Variants in PPP2R2B observed in about 807,000 individuals in gnomAD.
The protein encoded by PPP2R2B is protein phosphatase 2 regulatory subunit Bbeta.
Under a neutral mutation model 46.0 loss-of-function variants are expected in PPP2R2B, and 5 were observed. The observed-to-expected ratio is 0.11, with a 90% CI of 0.06 to 0.23. The LOEUF is 0.23. PPP2R2B is among the 10% of genes least tolerant of loss of function. The pLI is 1.00. For synonymous variants in PPP2R2B, 215 were observed against 206.7 expected (o/e 1.04, Z -0.34); for missense variants, 367 against 575.0 (o/e 0.64, Z 3.70).
At chr5:146,990,436 G>A (rs1474608001) in intron 1 of PPP2R2B, among the ~76,000 whole-genome samples, 1 of 151,990 alleles carries the variant, frequency 6.6e-6, no homozygotes, top group Non-Finnish European at 1.5e-5. Flanking sequence ...TTAACCAACT[G>A]TTTTTTGCCA....
chr5:146,832,526 A>G (rs1341654494), intron 2 of PPP2R2B, among the ~76,000 whole-genome samples: 1 of 150,564 alleles, frequency 6.6e-6, no homozygotes. Context: ...CAAGTAGCTG[A>G]GATTACAGGT....
chr5:146,828,716 T>C (rs961410436), intron 2 of PPP2R2B, among the ~76,000 whole-genome samples: 14 of 152,224 alleles, frequency 9.2e-5, no homozygotes, highest in African/African-American at 3.4e-4. Flanking sequence ...AATCCTGTTT[T>C]ATTGCAAGCC....
At chr5:146,764,577 C>G (rs1347702184) in intron 2 of PPP2R2B, among the ~76,000 whole-genome samples, 1 of 152,112 alleles carries the variant, frequency 6.6e-6, no homozygotes, top group Non-Finnish European at 1.5e-5. Flanking sequence ...TCCCCAGAGT[C>G]CTTATCCCTT....
chr5:146,849,582 ACGGATTT>A (rs1387077632), intron 2 of PPP2R2B, among the ~76,000 whole-genome samples: 1 of 152,212 alleles, frequency 6.6e-6, no homozygotes, highest in Non-Finnish European at 1.5e-5. Flanking sequence ...GTTACAAAAT[ACGGATTT>A]CAAAGACTAA....
At chr5:146,980,459 T>C (rs1753117567) in intron 1 of PPP2R2B, among the ~76,000 whole-genome samples, 2 of 152,064 alleles carry the variant, frequency 1.3e-5, no homozygotes, top group South Asian at 4.2e-4. Context: ...ATCTGATCAC[T>C]GACAACCCAC....
chr5:146,788,664 GA>G (rs1472527173), intron 2 of PPP2R2B, among the ~76,000 whole-genome samples: 2 of 152,202 alleles, frequency 1.3e-5, no homozygotes, highest in African/African-American at 4.8e-5. Flanking sequence ...CCAGGAGGCA[GA>G]TGTTGCAGTG....
At chr5:146,698,688 C>T (rs886855276) in intron 3 of PPP2R2B, among the ~76,000 whole-genome samples, 1 of 151,794 alleles carries the variant, frequency 6.6e-6, no homozygotes, top group Non-Finnish European at 1.5e-5. Flanking sequence ...TATTAAATGA[C>T]TTTCCCTAGG....
intron 2 of PPP2R2B, among the ~76,000 whole-genome samples, chr5:146,854,965 A>C (rs1163954062): frequency 2.0e-5 from 3 of 152,212 alleles, no homozygotes; most frequent in Non-Finnish European, 4.4e-5. Flanking sequence ...ATTTGACCAA[A>C]TAACAAAATA....
chr5:146,985,898 A>G (rs1027915271), intron 1 of PPP2R2B, among the ~76,000 whole-genome samples: 3 of 152,230 alleles, frequency 2.0e-5, no homozygotes, highest in African/African-American at 7.2e-5. Flanking sequence ...AAAAATTGGT[A>G]TCATTTCTAT....
intron 2 of PPP2R2B, among the ~76,000 whole-genome samples, chr5:146,797,155 A>C (rs1294764820): frequency 6.6e-6 from 1 of 152,156 alleles, no homozygotes; most frequent in East Asian, 1.9e-4. Flanking sequence ...GCTCTTACAT[A>C]CCCCTTTTCA....
chr5:146,794,813 A>T (rs1756421701), intron 2 of PPP2R2B, among the ~76,000 whole-genome samples: 3 of 152,154 alleles, frequency 2.0e-5, no homozygotes, highest in Admixed American at 2.0e-4. Context: ...TAATCATATT[A>T]ATATGGTGCA....
intron 2 of PPP2R2B, among the ~76,000 whole-genome samples, chr5:146,851,793 G>C (rs1760363862): frequency 6.6e-6 from 1 of 151,960 alleles, no homozygotes. Context: ...TATCTCAACA[G>C]AGCAGCTGTT....
chr5:146,796,235 T>A (rs1756527593), intron 2 of PPP2R2B, among the ~76,000 whole-genome samples: 1 of 152,192 alleles, frequency 6.6e-6, no homozygotes, highest in African/African-American at 2.4e-5. Flanking sequence ...AGAATCTTCA[T>A]GATAGGTCCA....
chr5:147,075,558 A>G (rs908703469), intron 2 of PPP2R2B, among the ~76,000 whole-genome samples: 2 of 152,134 alleles, frequency 1.3e-5, no homozygotes, highest in Non-Finnish European at 2.9e-5. Context: ...CTTGATGTTT[A>G]TACCTTTGTA....
chr5:146,828,080 T>C (rs1758692063), intron 2 of PPP2R2B, among the ~76,000 whole-genome samples: 2 of 152,012 alleles, frequency 1.3e-5, no homozygotes, highest in South Asian at 2.1e-4. Flanking sequence ...GGTGGCGTCC[T>C]GGCTGCTGCA....
chr5:146,610,026 G>A (rs1772721467), intron 7 of PPP2R2B, among the ~76,000 whole-genome samples: 1 of 131,050 alleles, frequency 7.6e-6, no homozygotes, highest in South Asian at 2.7e-4. Context: ...GCCTCTGTGG[G>A]CTCCACCTCT....
At chr5:147,018,038 C>T (rs1361974068) in intron 1 of PPP2R2B, among the ~76,000 whole-genome samples, 40 of 7,564 alleles carry the variant, frequency 5.3e-3, no homozygotes, top group Admixed American at 0.01. Flanking sequence ...CACATGCATG[C>T]GCGCGCACAC....
At chr5:146,951,205 T>G (rs897354352) in intron 1 of PPP2R2B, among the ~76,000 whole-genome samples, 7 of 152,024 alleles carry the variant, frequency 4.6e-5, no homozygotes, top group African/African-American at 1.2e-4. Context: ...TCAGCTTTAT[T>G]GAGGTATAAT....
chr5:147,031,478 CT>C (rs60219345), intron 1 of PPP2R2B, among the ~76,000 whole-genome samples: 1 of 148,376 alleles, frequency 6.7e-6, no homozygotes. Context: ...CTAGGCATTG[CT>C]TTTTTTTTTA....
Sources: allele counts gnomAD v4.1 joint callset (sites outside exome capture counted in the v4.1 genomes callset), GRCh38; gene constraint gnomAD v4.1.1; transcripts MANE v1.5; gene names NCBI Gene and HGNC (gene_info 2026-07-23, HGNC 2026-07-21).